CSF1R: variants seen among roughly 807,000 people sequenced by gnomAD.
CSF1R encodes colony stimulating factor 1 receptor.
CSF1R carries 40 observed loss-of-function variants against 110.0 expected under a neutral mutation model. That is an observed-to-expected ratio of 0.36 (90% CI 0.28 to 0.47). The LOEUF (loss-of-function observed/expected upper bound fraction) is 0.47. CSF1R is among the 20% of genes least tolerant of loss of function. The pLI is 0.99. For synonymous variants in CSF1R, 523 were observed against 503.4 expected (o/e 1.04, Z -0.52); for missense variants, 1,052 against 1,253.0 (o/e 0.84, Z 2.42).
In CSF1R at chr5:150,056,207, C is replaced by T; in HGVS notation, c.2442+12G>A. ...CCCTCCCCAGCCTGGCCCAAGCCCT[C>T]CCAGCACTTACATTGCCCTTGACAA... is the stretch of plus-strand genomic sequence containing the variant. On this transcript the variant is annotated intron_variant, in intron 17 of 20. Transcript: ENST00000675795. 6.2e-7 allele frequency: 1 copy of T among 1,614,240 alleles called. No individual in the cohort carries two copies. Among genetic ancestry groups the T allele is most frequent in the Middle Eastern group, 1.6e-4 (1 of 6,062 alleles).
chr5:150,099,418 G>C (rs1469393691), intron 1 of CSF1R, among the ~76,000 whole-genome samples: 4 of 152,032 alleles, frequency 2.6e-5, no homozygotes, highest in Non-Finnish European at 1.5e-5. Flanking sequence ...TTCACAAAAG[G>C]CCCTCTAAGC....
chr5:150,070,145 T>A, intron 8 of CSF1R, 37 bp downstream of exon 8: 1 of 1,610,124 alleles, frequency 6.2e-7, no homozygotes, highest in African/African-American at 1.3e-5. Flanking sequence ...GCCCAGCCCC[T>A]GAGCCCAGGT....
In CSF1R at chr5:150,057,519, A is replaced by C. The variant is rs769312420; in HGVS notation, c.2206T>G (p.Ser736Ala). The change falls in exon 15 of 21, where the codon TCC (serine) becomes GCC (alanine). Residue 736 changes from serine (S) to alanine (A), a missense_variant. Ser to Ala is a moderately conservative substitution (Grantham distance 99, BLOSUM62 1). Coordinates refer to ENST00000675795, the MANE Select transcript of CSF1R (RefSeq NM_001288705.3). The part of the protein sequence containing the change: ...MRPVSTSSND[S>A]FSEQDLDKED... ...ACCTCCTCACCTTGCTCAGAGAAGG[A>C]GTCATTTGAAGAAGTGGAGACAGGC... is the stretch of plus-strand genomic sequence containing the variant. 4.3e-6 allele frequency: 7 copies of C among 1,614,158 alleles called. No individual in the cohort carries two copies. Among genetic ancestry groups the C allele is most frequent in the Non-Finnish European group, 5.9e-6 (7 of 1,180,008 alleles).
chr5:150,058,466 A>G (rs1757351417), intron 14 of CSF1R, among the ~76,000 whole-genome samples: 1 of 152,216 alleles, frequency 6.6e-6, no homozygotes, highest in Non-Finnish European at 1.5e-5. Context: ...GCTCCCTTGT[A>G]GAAACTATGC....
In CSF1R at chr5:150,109,011, T is replaced by C. The variant is rs2113870922; in HGVS notation, c.-181+4250A>G. 2.0e-5 allele frequency among the ~76,000 whole-genome samples: 3 copies of C among 150,878 alleles called. No individual in the cohort carries two copies. In the South Asian group the frequency reaches 6.3e-4, roughly 32 times the overall value. On this transcript the variant is annotated intron_variant, in intron 1 of 21. Coordinates refer to the CSF1R transcript ENST00000286301. ...GATTTTCTTCCAAGCTGTGGGAAACTTTCATGGCCCAGAGCGGCCCCAGAA... is the reference window on the plus strand; with the variant it reads ...GATTTTCTTCCAAGCTGTGGGAAACCTTCATGGCCCAGAGCGGCCCCAGAA...
At chr5:150,056,197 C>T (rs1490897704) in intron 17 of CSF1R, 22 bp downstream of exon 17, 1 of 1,614,214 alleles carries the variant, frequency 6.2e-7, no homozygotes, top group East Asian at 2.2e-5. Context: ...CCCAGCCTGG[C>T]CCAAGCCCTC....
intron 18 of CSF1R, 68 bp from the exon 19 acceptor site, chr5:150,055,404 A>G: frequency 7.6e-7 from 1 of 1,313,168 alleles, no homozygotes; most frequent in Non-Finnish European, 1.1e-6. Context: ...ACACCCACAC[A>G]CATCTTAGAC....
intron 5 of CSF1R, among the ~76,000 whole-genome samples, chr5:150,073,861 C>T (rs1304395573): frequency 6.6e-6 from 1 of 152,206 alleles, no homozygotes; most frequent in African/African-American, 2.4e-5. Context: ...TGTCCTCATC[C>T]ATTTCCCTTT....
At chr5:150,072,351 G>A (rs1189094077) in intron 6 of CSF1R, among the ~76,000 whole-genome samples, 1 of 152,038 alleles carries the variant, frequency 6.6e-6, no homozygotes, top group Non-Finnish European at 1.5e-5. Flanking sequence ...AAAATTAGCT[G>A]GGTGTGGTGG....
intron 13 of CSF1R, 39 bp downstream of exon 13, chr5:150,060,823 G>T: frequency 7.2e-7 from 1 of 1,381,360 alleles, no homozygotes; most frequent in Non-Finnish European, 1.0e-6. Context: ...TTCCCCAGAG[G>T]CCCCAAGACC....
rs2066933 is a variant in CSF1R, at chr5:150,054,034, G to A, written c.*35C>T. ...CATCCATGGAGGAGTTGAAGTTTGT[G>A]GGAGGGGAGAGTGGTACTCCCTGTC... is the stretch of plus-strand genomic sequence containing the variant. On this transcript the variant is annotated 3_prime_UTR_variant, in exon 21 of 21. Coordinates refer to ENST00000675795, the MANE Select transcript of CSF1R (RefSeq NM_001288705.3). 1,234,694 of 1,604,874 alleles carry A rather than the reference G, an allele frequency of 0.77. 477,231 individuals carry two copies. The highest frequency in any genetic ancestry group is 0.95 in the African/African-American group (70,922 of 74,722).
rs377178221 is a variant in CSF1R at position 150,061,640 on chromosome 5, C to A, written c.1754-45G>T. ...CTTAAGTCCCTGGGCACCAAAGGGC[C>A]TCTGTCCAAGGGCCCATGGGCTCCC... On this transcript the variant is annotated intron_variant, in intron 11 of 20. Coordinates refer to ENST00000675795, the MANE Select transcript of CSF1R (RefSeq NM_001288705.3). 39 of 1,614,008 alleles carry A rather than the reference C, an allele frequency of 2.4e-5. No homozygotes were observed. In the African/African-American group the frequency reaches 5.1e-4, roughly 21 times the overall value.
chr5:150,101,435 T>G (rs1759400067), intron 1 of CSF1R, among the ~76,000 whole-genome samples: 1 of 152,146 alleles, frequency 6.6e-6, no homozygotes, highest in Non-Finnish European at 1.5e-5. Context: ...TTGTTTGCTA[T>G]GCAACAACAG....
chr5:150,092,353 G>A (rs952260128), intron 1 of CSF1R, among the ~76,000 whole-genome samples: 1 of 152,206 alleles, frequency 6.6e-6, no homozygotes, highest in Non-Finnish European at 1.5e-5. Flanking sequence ...TGCATTTACA[G>A]CAATCTCCAC....
rs1329211256 is a variant in CSF1R at position 150,094,847 on chromosome 5, C to T, written c.-180-8240G>A. On this transcript the variant is annotated intron_variant, in intron 1 of 21. Coordinates refer to the CSF1R transcript ENST00000286301. ...TGATTGCTCGATCTCTTGGTAAATA[C>T]GGCATCATCTGCGTGGAGGATTTGA... 67 of 1,237,636 alleles carry T rather than the reference C, an allele frequency of 5.4e-5. 14 individuals are homozygous for T. Among genetic ancestry groups the T allele is most frequent in the Non-Finnish European group, 7.5e-5 (66 of 875,628 alleles). 76.7% of individuals were successfully genotyped at this position (1,237,636 alleles called of 1,614,324 possible). A position where few individuals can be genotyped will look rare whatever the true frequency, so the allele number is the denominator to read the frequency against.
At chr5:150,081,511 A>G (rs1445643813) in intron 1 of CSF1R, among the ~76,000 whole-genome samples, 3 of 152,166 alleles carry the variant, frequency 2.0e-5, no homozygotes, top group African/African-American at 7.2e-5. Flanking sequence ...AGAGTTAGAG[A>G]GGTCCCAAGA....
In CSF1R at chr5:150,109,760, C is replaced by T. The variant is rs138850250; in HGVS notation, c.-181+3501G>A. Among the ~76,000 whole-genome samples, 247 of 152,288 alleles carry T rather than the reference C, an allele frequency of 1.6e-3. 2 individuals carry two copies. The highest frequency in any genetic ancestry group is 5.7e-3 in the African/African-American group (236 of 41,538). On this transcript the variant is annotated intron_variant, in intron 1 of 21. Coordinates refer to the CSF1R transcript ENST00000286301. ...AATGTTTATTCTCTTTACTCAACAA[C>T]TCAATGTCTAGGAATTTATGCTATG... is the stretch of plus-strand genomic sequence containing the variant.
At chr5:150,094,307 G>T in intron 1 of CSF1R, 2 of 1,577,696 alleles carry the variant, frequency 1.3e-6, no homozygotes, top group Non-Finnish European at 8.6e-7. Flanking sequence ...GAACCATGGA[G>T]GGTGTAGAAG....
chr5:150,085,000 C>T (rs927588260), intron 1 of CSF1R, among the ~76,000 whole-genome samples: 15 of 151,978 alleles, frequency 9.9e-5, no homozygotes, highest in Non-Finnish European at 1.5e-4. Flanking sequence ...AAGTCCAGGC[C>T]GGGCGCCGTG....
Sources: allele counts gnomAD v4.1 joint callset (sites outside exome capture counted in the v4.1 genomes callset), GRCh38; gene constraint gnomAD v4.1.1; transcripts MANE v1.5; gene names NCBI Gene and HGNC (gene_info 2026-07-23, HGNC 2026-07-21).